Variants in PCSK2 observed in about 807,000 individuals in gnomAD.
PCSK2 encodes neuroendocrine convertase 2.
A neutral mutation model predicts 69.7 loss-of-function variants in PCSK2; 14 were observed. The ratio of observed to expected loss-of-function variants is 0.20; its 90% CI spans 0.13 to 0.31. The LOEUF is 0.31. Ranked by LOEUF, PCSK2 falls within the 10% of genes least tolerant of loss-of-function variation. The pLI, the probability that PCSK2 is intolerant of heterozygous loss-of-function variation, is 1.00. For missense variants in PCSK2, 544 were observed against 842.5 expected, an observed-to-expected ratio of 0.65 and a Z score of 4.39; for synonymous variants, 307 against 320.7, an observed-to-expected ratio of 0.96 and a Z score of 0.46.
upstream of PCSK2, among the ~76,000 whole-genome samples, chr20:17,226,797 T>TCGCTGCGCTG (rs564278605): frequency 3.7e-4 from 51 of 136,468 alleles, no homozygotes; most frequent in Admixed American, 1.2e-3. Context: ...GGGCGCGGGC[T>TCGCTGCGCTG]CGCTGCGCTG....
intron 8 of PCSK2, among the ~76,000 whole-genome samples, chr20:17,448,073 A>T (rs557228193): frequency 6.6e-6 from 1 of 152,346 alleles, no homozygotes; most frequent in African/African-American, 2.4e-5. Flanking sequence ...CATAGTAAAG[A>T]ATACAATAAC....
chr20:17,310,220 CT>C (rs1437099205), intron 2 of PCSK2, among the ~76,000 whole-genome samples: 1 of 152,186 alleles, frequency 6.6e-6, no homozygotes, highest in African/African-American at 2.4e-5. Flanking sequence ...CACTGTCCCC[CT>C]GATAAGACTT....
At chr20:17,416,899 A>T (rs2032011693) in intron 6 of PCSK2, among the ~76,000 whole-genome samples, 1 of 152,316 alleles carries the variant, frequency 6.6e-6, no homozygotes, top group South Asian at 2.1e-4. Context: ...GGAAATCATC[A>T]TTCTCAGCAC....
intron 2 of PCSK2, among the ~76,000 whole-genome samples, chr20:17,312,822 G>A (rs181515914): frequency 4.6e-5 from 7 of 152,244 alleles, no homozygotes; most frequent in Non-Finnish European, 1.5e-5. Flanking sequence ...AGGAAATAGA[G>A]CAGATAAACT....
At chr20:17,288,309 G>C (rs1032858857) in intron 2 of PCSK2, among the ~76,000 whole-genome samples, 1 of 152,188 alleles carries the variant, frequency 6.6e-6, no homozygotes, top group Non-Finnish European at 1.5e-5. Context: ...TTTCAAGAAG[G>C]GGAGAGGCCA....
chr20:17,470,674 T>C (rs915413853), intron 11 of PCSK2, among the ~76,000 whole-genome samples: 3 of 152,120 alleles, frequency 2.0e-5, no homozygotes, highest in Non-Finnish European at 2.9e-5. Context: ...TCACAGGAGG[T>C]TGGCATCCCT....
intron 4 of PCSK2, among the ~76,000 whole-genome samples, chr20:17,366,475 G>A (rs188271800): frequency 6.7e-4 from 102 of 152,286 alleles, no homozygotes; most frequent in African/African-American, 2.4e-3. Context: ...TTCCAGGACC[G>A]ACACTGTGCC....
intron 5 of PCSK2, among the ~76,000 whole-genome samples, chr20:17,401,499 C>T (rs955614947): frequency 6.6e-6 from 1 of 152,196 alleles, no homozygotes; most frequent in Non-Finnish European, 1.5e-5. Flanking sequence ...CCTCTTAATA[C>T]AAACACACAG....
At chr20:17,268,592 G>A (rs1600429688) in intron 2 of PCSK2, among the ~76,000 whole-genome samples, 1 of 152,172 alleles carries the variant, frequency 6.6e-6, no homozygotes, top group South Asian at 2.1e-4. Context: ...AAGAATGCGA[G>A]TAAAGCTGCA....
At chr20:17,368,500 A>G (rs1294330432) in intron 4 of PCSK2, among the ~76,000 whole-genome samples, 1 of 152,198 alleles carries the variant, frequency 6.6e-6, no homozygotes, top group Non-Finnish European at 1.5e-5. Flanking sequence ...GCTCAGGTGT[A>G]ACTGCTGCAA....
At chr20:17,463,277 T>C (rs1173009027) in intron 10 of PCSK2, among the ~76,000 whole-genome samples, 1 of 152,164 alleles carries the variant, frequency 6.6e-6, no homozygotes, top group African/African-American at 2.4e-5. Flanking sequence ...AGCCCTCTGG[T>C]CATTTAGATC....
chr20:17,381,530 CA>C (rs71799971), intron 5 of PCSK2, among the ~76,000 whole-genome samples: 10,217 of 147,350 alleles, frequency 0.069, 430 homozygotes, highest in Middle Eastern at 0.21. Flanking sequence ...TACTGCAAGC[CA>C]AAAAAAAAAT....
chr20:17,423,201 C>T (rs1183010779), intron 6 of PCSK2, among the ~76,000 whole-genome samples: 1 of 152,040 alleles, frequency 6.6e-6, no homozygotes, highest in African/African-American at 2.4e-5. Flanking sequence ...TTTAGGGAGA[C>T]ATAAGACATT....
Position 17,297,095 on chromosome 20 carries a change from G to A in PCSK2, c.282+36751G>A, listed in dbSNP as rs182439494. On this transcript the variant is annotated intron_variant, in intron 2 of 11. Transcript: ENST00000262545. ...ATTAATTAAAAGAGCTGACGTTTAA[G>A]CAGAGAAGTTAGTAAACAGGGTATT... Among the ~76,000 whole-genome samples, 29 of 152,304 alleles carry A rather than the reference G, an allele frequency of 1.9e-4. No homozygotes were observed. The East Asian group carries it at 5.0e-3, about 26-fold the overall frequency.
intron 11 of PCSK2, among the ~76,000 whole-genome samples, chr20:17,478,269 G>C (rs2033326868): frequency 6.6e-6 from 1 of 151,950 alleles, no homozygotes; most frequent in African/African-American, 2.4e-5. Flanking sequence ...TCTTCCAACT[G>C]AACAATTGCT....
intron 5 of PCSK2, among the ~76,000 whole-genome samples, chr20:17,404,559 G>A (rs569648702): frequency 6.6e-6 from 1 of 152,272 alleles, no homozygotes; most frequent in East Asian, 1.9e-4. Context: ...GTATCTGCCT[G>A]ATAACCCACC....
intron 1 of PCSK2, among the ~76,000 whole-genome samples, chr20:17,240,808 G>A (rs1456030079): frequency 6.6e-6 from 1 of 152,108 alleles, no homozygotes; most frequent in Non-Finnish European, 1.5e-5. Flanking sequence ...AAAATAGTTG[G>A]TGTTTGTGGC....
At chr20:17,238,282 CTTGTCAGACCACTGGAGA>C (rs1986419337) in intron 1 of PCSK2, among the ~76,000 whole-genome samples, 1 of 45,326 alleles carries the variant, frequency 2.2e-5, no homozygotes, top group Admixed American at 3.2e-4. Flanking sequence ...TTTCTTAGCA[CTTGTCAGACCACTGGAGA>C]TTGCTATCCC....
At chr20:17,457,091 G>T (rs1188481983) in intron 10 of PCSK2, among the ~76,000 whole-genome samples, 3 of 152,180 alleles carry the variant, frequency 2.0e-5, no homozygotes, top group Non-Finnish European at 4.4e-5. Flanking sequence ...AGTAGCAGTG[G>T]AGGTACCTGC....
Sources: gnomAD v4.1 joint callset for allele counts (sites outside exome capture counted in the v4.1 genomes callset) on GRCh38, gnomAD v4.1.1 for gene constraint, MANE v1.5 for transcripts, NCBI Gene and HGNC (gene_info 2026-07-23, HGNC 2026-07-21) for gene names.